Variants in ARAP2 observed in about 807,000 individuals in gnomAD.
ARAP2 encodes arf-GAP with Rho-GAP domain, ANK repeat and PH domain-containing protein 2.
In ARAP2, 148 loss-of-function variants were observed where a neutral mutation model predicts 194.5. The ratio of observed to expected loss-of-function variants is 0.76; its 90% CI spans 0.67 to 0.87. The LOEUF is 0.87. ARAP2 is among the 40% of genes least tolerant of loss of function. The pLI is 0.00. For missense variants in ARAP2, 2,128 were observed against 1,989.7 expected (o/e 1.07, Z -1.32); for synonymous variants, 695 against 683.5 (o/e 1.02, Z -0.26).
At chr4:36,148,003 T>C (rs909087206) in intron 17 of ARAP2, among the ~76,000 whole-genome samples, 9 of 152,302 alleles carry the variant, frequency 5.9e-5, no homozygotes, top group Middle Eastern at 3.4e-3. Flanking sequence ...TTCTCTTAAC[T>C]GATTTGTGGA....
chr4:36,040,282 A>T (rs935659935), intron 5 of ARAP2, among the ~76,000 whole-genome samples: 1 of 152,164 alleles, frequency 6.6e-6, no homozygotes, highest in Non-Finnish European at 1.5e-5. Flanking sequence ...CAGTGTACAA[A>T]TTGATCCATG....
chr4:36,159,352 G>T lies in ARAP2; in HGVS notation c.2596C>A (p.Leu866Ile). The T allele has an allele frequency of 2.5e-6, 4 of 1,605,916 alleles. No homozygotes were observed. Among genetic ancestry groups the T allele is most frequent in the Non-Finnish European group, 3.4e-6 (4 of 1,175,188 alleles). ...GAACCTGAGAATTTGTTATGGTAGA[G>T]AAATTCCATTTGCAGACTTTGCCCA... ...KAGQSLQMEF[L>I]YHNKFSDFPQ... Residue 866 changes from leucine (L) to isoleucine (I), a missense_variant, in exon 14 of 33, where the codon CTC (leucine) becomes ATC (isoleucine). By Grantham distance (5) the Leu-to-Ile change is conservative (BLOSUM62 2). Transcript: ENST00000303965.
chr4:36,100,953 T>G (rs1040398207), intron 27 of ARAP2, among the ~76,000 whole-genome samples: 5 of 151,992 alleles, frequency 3.3e-5, no homozygotes, highest in African/African-American at 7.2e-5. Context: ...TCTGTATCCA[T>G]GGATGCCGCA....
At position 36,158,809 on chromosome 4, in the gene ARAP2, C is replaced by T; in HGVS notation, c.2673G>A (p.Gln891=). 1 of 1,612,126 alleles carries T rather than the reference C, an allele frequency of 6.2e-7. No homozygotes were observed. Among genetic ancestry groups the T allele is most frequent in the Non-Finnish European group, 8.5e-7 (1 of 1,179,238 alleles). The stretch of plus-strand genomic sequence containing the variant: ...ATAAAAAGTCACAGAGGAATGTGGA[C>T]TGGGAAGACTCTTGACTTAATACAC... ...SEGVLSQESS[Q]STFLCDFLYQ... The change falls in exon 15 of 33, where the codon CAG becomes CAA. Residue 891 remains glutamine (Q), a synonymous_variant. Coordinates refer to ENST00000303965, the MANE Select transcript of ARAP2 (RefSeq NM_015230.4).
chr4:36,233,020 T>C (rs1751794856), intron 1 of ARAP2, among the ~76,000 whole-genome samples: 1 of 152,122 alleles, frequency 6.6e-6, no homozygotes, highest in Non-Finnish European at 1.5e-5. Flanking sequence ...ACATGCTGAA[T>C]ATGGTTAATG....
At chr4:36,183,902 G>T (rs1739882542) in intron 8 of ARAP2, among the ~76,000 whole-genome samples, 1 of 152,144 alleles carries the variant, frequency 6.6e-6, no homozygotes, top group African/African-American at 2.4e-5. Context: ...GGAAGACAAA[G>T]AATAGCTATT....
In ARAP2 at chr4:36,208,879, A is replaced by G. The variant is rs574460191; in HGVS notation, c.1487+1511T>C. Among the ~76,000 whole-genome samples the G allele has an allele frequency of 1.2e-4, 18 of 152,280 alleles. No homozygotes were observed. In the South Asian group the frequency reaches 3.7e-3, roughly 32 times the overall value. ...ACAGAAAATGCAATTATTTCCCCTA[A>G]AATGGAAAAATATAAATCCAGAAAA... On this transcript the variant is annotated intron_variant, in intron 6 of 32. Coordinates refer to ENST00000303965, the MANE Select transcript of ARAP2 (RefSeq NM_015230.4).
Position 36,128,493 on chromosome 4 carries a change from C to CACACACACACACAG in ARAP2, c.3640+39_3640+40insCTGTGTGTGTGTGT. The CACACACACACACAG allele has an allele frequency of 2.0e-6, 3 of 1,494,014 alleles. No homozygotes were observed. In the East Asian group the frequency reaches 6.9e-5, roughly 34 times the overall value. The allele number at this position is 1,494,014 out of a possible 1,614,324, so 92.5% of individuals were successfully genotyped here. On this transcript the variant is annotated intron_variant, in intron 21 of 32. Transcript: ENST00000303965. ...TCTATATTATACACACACACACACA[C>CACACACACACACAG]ACACACACACATATCTACAAATATC...
chr4:36,018,891 T>C (rs912894715), intron 6 of ARAP2, among the ~76,000 whole-genome samples: 4 of 150,466 alleles, frequency 2.7e-5, no homozygotes. Flanking sequence ...GTAGATAGGG[T>C]TGAATCTTTT....
intron 22 of ARAP2, 104 bp downstream of exon 22, chr4:36,124,758 G>A (rs754024347): frequency 8.2e-5 from 52 of 633,078 alleles, no homozygotes; most frequent in Admixed American, 3.0e-4. Context: ...GAGAGACTAA[G>A]GTGAGTTCTT....
At chr4:36,157,563 T>C (rs1429092862) in intron 15 of ARAP2, 1 of 152,224 alleles carries the variant, frequency 6.6e-6, no homozygotes, top group African/African-American at 2.4e-5. Context: ...GTAACAATGA[T>C]AACACAAATC....
chr4:36,030,545 T>C (rs909860557), intron 5 of ARAP2, among the ~76,000 whole-genome samples: 1 of 152,114 alleles, frequency 6.6e-6, no homozygotes, highest in African/African-American at 2.4e-5. Context: ...CCTTGAAACG[T>C]AGATCTGTTT....
chr4:36,030,191 T>G (rs1231316230), intron 5 of ARAP2, among the ~76,000 whole-genome samples: 1 of 152,102 alleles, frequency 6.6e-6, no homozygotes, highest in African/African-American at 2.4e-5. Flanking sequence ...GAAATAAGAT[T>G]CTTGGCTCAC....
At chr4:36,079,079 C>CA (rs1728898353) in intron 31 of ARAP2, among the ~76,000 whole-genome samples, 1 of 143,588 alleles carries the variant, frequency 7.0e-6, no homozygotes, top group Non-Finnish European at 1.5e-5. Context: ...GAGGCTGAGA[C>CA]AGGAGAATCA....
chr4:36,101,657 A>G (rs994857108), intron 27 of ARAP2, among the ~76,000 whole-genome samples: 2 of 151,960 alleles, frequency 1.3e-5, no homozygotes, highest in African/African-American at 4.8e-5. Flanking sequence ...ATTTTCTTTC[A>G]TGTGATTCTC....
intron 20 of ARAP2, among the ~76,000 whole-genome samples, chr4:36,132,590 A>G (rs560469483): frequency 6.6e-6 from 1 of 151,900 alleles, no homozygotes; most frequent in South Asian, 2.1e-4. Flanking sequence ...ATAAACATGA[A>G]GAACAGAGGA....
chr4:36,148,551 C>T, intron 16 of ARAP2, 44 bp from the exon 17 acceptor site: 2 of 1,411,910 alleles, frequency 1.4e-6, no homozygotes, highest in Non-Finnish European at 9.9e-7. Flanking sequence ...TTATATTTAG[C>T]TCTTAAGAAA....
intron 2 of ARAP2, among the ~76,000 whole-genome samples, chr4:36,227,410 A>G (rs1750570123): frequency 6.6e-6 from 1 of 152,208 alleles, no homozygotes; most frequent in African/African-American, 2.4e-5. Context: ...GTCAAGATAA[A>G]GACAAATTAA....
At chr4:36,185,903 A>G (rs1401887605) in intron 8 of ARAP2, among the ~76,000 whole-genome samples, 4 of 151,638 alleles carry the variant, frequency 2.6e-5, no homozygotes, top group African/African-American at 9.7e-5. Context: ...GCTTGAACCC[A>G]TGAGGCGGAG....
Sources: allele counts gnomAD v4.1 joint callset (sites outside exome capture counted in the v4.1 genomes callset), GRCh38; gene constraint gnomAD v4.1.1; transcripts MANE v1.5; gene names NCBI Gene and HGNC (gene_info 2026-07-23, HGNC 2026-07-21).